TENM2: variants seen among roughly 807,000 people sequenced by gnomAD.
TENM2 encodes teneurin transmembrane protein 2, also known as teneurin-2.
In TENM2, 52 loss-of-function variants were observed where a neutral mutation model predicts 245.2. That is an observed-to-expected ratio of 0.21 (90% CI 0.17 to 0.27). The LOEUF is 0.27. Among genes scored for constraint, TENM2 ranks in the 10% least tolerant of loss-of-function variants. TENM2 has a pLI of 1.00. For missense variants in TENM2, 3,046 were observed against 3,666.8 expected (o/e 0.83, Z 4.37); for synonymous variants, 1,363 against 1,438.9 (o/e 0.95, Z 1.19).
the TENM2 span, among the ~76,000 whole-genome samples, chr5:167,100,842 G>C: frequency 6.6e-6 from 1 of 152,132 alleles, no homozygotes; most frequent in Non-Finnish European, 1.5e-5. Flanking sequence ...TGATGACTCA[G>C]AATCTGAATC....
Position 167,690,599 on chromosome 5 carries a change from T to A in TENM2, c.503-185387T>A, listed in dbSNP as rs891345940. On this transcript the variant is annotated intron_variant, in intron 2 of 28. Coordinates refer to ENST00000518659, the Ensembl canonical transcript of TENM2. ...TGTGAATTAGTTATCCAGGCCTTGG[T>A]TTTTTCATCTGTAAAGAAAGGAGAT... 2.0e-5 allele frequency among the ~76,000 whole-genome samples: 3 copies of A among 152,128 alleles called. No homozygotes were observed. In the East Asian group the frequency reaches 5.8e-4, roughly 29 times the overall value.
chr5:167,385,856 A>ATGTGTGTG (rs60407919), intron 2 of TENM2, among the ~76,000 whole-genome samples: 331 of 139,138 alleles, frequency 2.4e-3, no homozygotes, highest in Non-Finnish European at 3.5e-3. Context: ...TTATATATAT[A>ATGTGTGTG]TGTGTGTGTG....
the TENM2 span, among the ~76,000 whole-genome samples, chr5:167,240,651 G>A: frequency 2.6e-5 from 4 of 152,008 alleles, no homozygotes; most frequent in South Asian, 2.1e-4. Context: ...TCACGTTTTG[G>A]TTTTTCTGTC....
At position 167,813,253 on chromosome 5, in the gene TENM2, T is replaced by C. The variant is rs139541488; in HGVS notation, c.503-62733T>C. On this transcript the variant is annotated intron_variant, in intron 2 of 28. Coordinates refer to ENST00000518659, the Ensembl canonical transcript of TENM2. Reference sequence around the variant, plus strand: ...TAAGATTGTATGAGTCTCCAAAATGTTTCCAGCAGTGAAATAAAGAAGTGA... The same window carrying C: ...TAAGATTGTATGAGTCTCCAAAATGCTTCCAGCAGTGAAATAAAGAAGTGA... Among the ~76,000 whole-genome samples the C allele has an allele frequency of 6.0e-4, 92 of 152,200 alleles. No individual in the cohort carries two copies. In the East Asian group the frequency reaches 8.5e-3, roughly 14 times the overall value.
intron 2 of TENM2, among the ~76,000 whole-genome samples, chr5:167,716,326 T>C (rs1481279482): frequency 6.6e-6 from 1 of 152,176 alleles, no homozygotes; most frequent in Non-Finnish European, 1.5e-5. Flanking sequence ...AGCTTTCATC[T>C]CCTGGAATAC....
chr5:168,262,615 G>A (rs1768312027), exon 29 of TENM2: 1 of 1,590,622 alleles, frequency 6.3e-7, no homozygotes, highest in Non-Finnish European at 8.6e-7. Flanking sequence ...CCTGGGCCAA[G>A]GAGCAGCAGA....
At chr5:168,263,304 C>G (rs1394997446), downstream of TENM2, 1 of 155,472 alleles carries the variant, frequency 6.4e-6, no homozygotes, top group African/African-American at 2.4e-5. Context: ...CCGCGAGGGC[C>G]AGCGTCACCA....
chr5:168,012,486 A>G (rs1213889818), intron 5 of TENM2, among the ~76,000 whole-genome samples: 4 of 151,788 alleles, frequency 2.6e-5, no homozygotes, highest in Non-Finnish European at 5.9e-5. Flanking sequence ...TCTACAAGAA[A>G]TATTTTTCTT....
chr5:168,199,670 G>A (rs1761763727), intron 16 of TENM2, among the ~76,000 whole-genome samples, 194 bp from the exon 19 acceptor site: 1 of 152,034 alleles, frequency 6.6e-6, no homozygotes, highest in Non-Finnish European at 1.5e-5. Flanking sequence ...CATAACCTCA[G>A]CCCCATCACT....
At chr5:167,820,195 G>A (rs572418030) in intron 2 of TENM2, among the ~76,000 whole-genome samples, 1 of 152,130 alleles carries the variant, frequency 6.6e-6, no homozygotes, top group Non-Finnish European at 1.5e-5. Flanking sequence ...GTTGGGACAC[G>A]CCTCAAAGTG....
chr5:167,264,119 A>G, the TENM2 span, among the ~76,000 whole-genome samples: 25 of 152,130 alleles, frequency 1.6e-4, no homozygotes, highest in East Asian at 4.8e-3. Context: ...AAAAAAAAAA[A>G]AAAAATTCCT....
chr5:167,666,790 A>T (rs781644901), intron 2 of TENM2, among the ~76,000 whole-genome samples: 4 of 152,202 alleles, frequency 2.6e-5, no homozygotes, highest in Admixed American at 2.6e-4. Context: ...TGCTATTTGC[A>T]CTTGATATGC....
At chr5:167,646,206 T>TATATATATATATATGTTGTTTTC (rs1561634236) in intron 2 of TENM2, among the ~76,000 whole-genome samples, 7 of 123,162 alleles carry the variant, frequency 5.7e-5, no homozygotes, top group African/African-American at 3.2e-4. Flanking sequence ...TTTTCATATA[T>TATATATATATATATGTTGTTTTC]ATATATATAT....
intron 2 of TENM2, among the ~76,000 whole-genome samples, chr5:167,544,564 T>A (rs1342964378): frequency 6.6e-6 from 1 of 152,190 alleles, no homozygotes; most frequent in Non-Finnish European, 1.5e-5. Flanking sequence ...GACTCATGCT[T>A]TTTGAATGTT....
At chr5:167,133,130 AAG>A in the TENM2 span, among the ~76,000 whole-genome samples, 23 of 152,140 alleles carry the variant, frequency 1.5e-4, no homozygotes, top group African/African-American at 5.3e-4. Flanking sequence ...GTAAAGGGGG[AAG>A]AAGGGAGGGA....
chr5:167,116,084 A>T, the TENM2 span, among the ~76,000 whole-genome samples: 3 of 152,202 alleles, frequency 2.0e-5, no homozygotes, highest in African/African-American at 7.2e-5. Flanking sequence ...GAAAAGCCCT[A>T]GGTTAGTTCA....
chr5:167,147,991 C>T, the TENM2 span, among the ~76,000 whole-genome samples: 8 of 152,294 alleles, frequency 5.3e-5, no homozygotes, highest in Admixed American at 1.3e-4. Context: ...ATGAAAATGA[C>T]TCACCATGCC....
At chr5:168,253,643 T>C (rs997847621) in intron 27 of TENM2, among the ~76,000 whole-genome samples, 3 of 151,864 alleles carry the variant, frequency 2.0e-5, no homozygotes, top group Non-Finnish European at 4.4e-5. Flanking sequence ...GCCAGGATGG[T>C]CTCGATCTCC....
intron 2 of TENM2, among the ~76,000 whole-genome samples, chr5:167,674,886 A>G (rs944414528): frequency 3.3e-5 from 5 of 152,108 alleles, no homozygotes; most frequent in African/African-American, 1.2e-4. Context: ...CTAGCAAATC[A>G]CCACAATTTT....
Sources: allele counts gnomAD v4.1 joint callset (sites outside exome capture counted in the v4.1 genomes callset), GRCh38; gene constraint gnomAD v4.1.1; transcripts MANE v1.5; gene names NCBI Gene and HGNC (gene_info 2026-07-23, HGNC 2026-07-21).